Variants in SLC17A7 observed in about 807,000 individuals in gnomAD.
SLC17A7 encodes solute carrier family 17 member 7.
Under a neutral mutation model 59.1 loss-of-function variants are expected in SLC17A7, and 15 were observed. The ratio of observed to expected loss-of-function variants is 0.25; its 90% CI spans 0.17 to 0.39. The LOEUF is 0.39. SLC17A7 is among the 10% of genes least tolerant of loss of function. The probability of loss-of-function intolerance (pLI) is 1.00; values close to 1 mark genes in which losing one functional copy is unlikely to be tolerated. For synonymous variants in SLC17A7, 353 were observed against 308.9 expected, an observed-to-expected ratio of 1.14 and a Z score of -1.50; for missense variants, 499 against 765.1, an observed-to-expected ratio of 0.65 and a Z score of 4.10.
Position 49,433,565 on chromosome 19 carries a change from C to A in SLC17A7, c.867+161G>T. 1.0e-6 allele frequency: 1 copy of A among 973,916 alleles called. No homozygotes were observed. Among genetic ancestry groups the A allele is most frequent in the Non-Finnish European group, 1.6e-6 (1 of 628,828 alleles). 60.3% of individuals were successfully genotyped at this position (973,916 alleles called of 1,614,324 possible). A position where few individuals can be genotyped will look rare whatever the true frequency, so the allele number is the denominator to read the frequency against. On this transcript the variant is annotated intron_variant, in intron 7 of 11. Coordinates refer to ENST00000221485, the MANE Select transcript of SLC17A7 (RefSeq NM_020309.4). The surrounding 1 kb of genome is among the most constrained non-coding windows in gnomAD (Gnocchi z 5.7). Reference sequence around the variant, plus strand: ...TGCCCCCAGCACCTGAGAATCTCGTCCTCCGCGGGTTGCAACCCGCCTCCT... The same window carrying A: ...TGCCCCCAGCACCTGAGAATCTCGTACTCCGCGGGTTGCAACCCGCCTCCT...
intron 2 of SLC17A7, chr19:49,435,499 AAC>A (rs2078976725): frequency 2.0e-6 from 1 of 497,686 alleles, no homozygotes; most frequent in Non-Finnish European, 3.6e-6. Context: ...CTGCCTTAAC[AAC>A]AGAGTCCATC....
intron 1 of SLC17A7, among the ~76,000 whole-genome samples, chr19:49,439,742 T>C (rs1600990581): frequency 6.6e-6 from 1 of 152,300 alleles, no homozygotes; most frequent in Admixed American, 6.5e-5. Flanking sequence ...ACAAACTCCC[T>C]GCTGATGGTC....
At chr19:49,432,407 C>A in intron 9 of SLC17A7, 112 bp downstream of exon 9, 1 of 1,405,124 alleles carries the variant, frequency 7.1e-7, no homozygotes, top group Non-Finnish European at 9.6e-7. Context: ...TAGAAAGGGA[C>A]TCCTGGGGCA....
chr19:49,436,844 C>T lies in SLC17A7; in HGVS notation c.63-43G>A. 6.3e-7 allele frequency: 1 copy of T among 1,587,378 alleles called. No homozygotes were observed. The highest frequency in any genetic ancestry group is 1.1e-5 in the South Asian group (1 of 90,284). On this transcript the variant is annotated intron_variant, in intron 1 of 11. Transcript: ENST00000221485. The surrounding 1 kb of genome is among the most constrained non-coding windows in gnomAD (Gnocchi z 4.1). ...CCAGAGACTCGGAAGTCCAGGCCCC[C>T]AGCCCCCTCACCCCCAAGACCAGGA... is the stretch of plus-strand genomic sequence containing the variant.
At chr19:49,439,911 C>T (rs1376552409) in intron 1 of SLC17A7, among the ~76,000 whole-genome samples, 1 of 128,752 alleles carries the variant, frequency 7.8e-6, no homozygotes, top group Admixed American at 7.1e-5. Flanking sequence ...ACCCCCCAGC[C>T]CCCTCCACCA....
chr19:49,432,532 C>T lies in SLC17A7; in HGVS notation c.1137G>A (p.Leu379=), dbSNP rs1460433736. 4 of 1,613,302 alleles carry T rather than the reference C, an allele frequency of 2.5e-6. No individual in the cohort carries two copies. Among genetic ancestry groups the T allele is most frequent in the Non-Finnish European group, 3.4e-6 (4 of 1,179,754 alleles). ...RIMSTTNVRK[L]MNCGGFGMEA... is the part of the protein sequence containing the mutation. ...CGCCCCACTCACCTCCGCAGTTCAT[C>T]AACTTGCGCACGTTGGTGGTGGACA... Residue 379 remains leucine (L), a synonymous_variant, in exon 9 of 12, where the codon TTG becomes TTA. Transcript: ENST00000221485.
In SLC17A7 at chr19:49,436,859, C is replaced by CAAT; in HGVS notation, c.63-59_63-58insATT. ...TCCAGGCCCCCAGCCCCCTCACCCC[C>CAAT]AAGACCAGGATCCAGGGCAAAACCT... is the stretch of plus-strand genomic sequence containing the variant. On this transcript the variant is annotated intron_variant, in intron 1 of 11. Coordinates refer to ENST00000221485, the MANE Select transcript of SLC17A7 (RefSeq NM_020309.4). This position sits in a 1 kb window ranked among gnomAD's most constrained non-coding sequence, Gnocchi z 4.1. The CAAT allele has an allele frequency of 6.4e-7, 1 of 1,573,378 alleles. No homozygotes were observed. Among genetic ancestry groups the CAAT allele is most frequent in the Non-Finnish European group, 8.6e-7 (1 of 1,166,290 alleles).
chr19:49,434,157 T>A, intron 5 of SLC17A7, 111 bp from the exon 6 acceptor site: 1 of 735,194 alleles, frequency 1.4e-6, no homozygotes, highest in South Asian at 1.6e-5. Context: ...CCACAGCCCC[T>A]CCTCCCTTAG....
Position 49,430,072 on chromosome 19 carries a change from G to T in SLC17A7, c.*447C>A, listed in dbSNP as rs936254377. Reference sequence around the variant, plus strand: ...TCTGGAAGATGCAGAACAGAGTTGGGAGAGATTTGAAACTTCTAGAGGAGG... The same window carrying T: ...TCTGGAAGATGCAGAACAGAGTTGGTAGAGATTTGAAACTTCTAGAGGAGG... On this transcript the variant is annotated 3_prime_UTR_variant, in exon 12 of 12. Transcript: ENST00000221485. 6.8e-5 allele frequency: 11 copies of T among 161,938 alleles called. No individual in the cohort carries two copies. Among genetic ancestry groups the T allele is most frequent in the Middle Eastern group, 3.1e-3 (1 of 324 alleles). The allele number at this position is 161,938 out of a possible 1,614,324, so 10.0% of individuals were successfully genotyped here. A position where few individuals can be genotyped will look rare whatever the true frequency, so the allele number is the denominator to read the frequency against.
At position 49,434,859 on chromosome 19, in the gene SLC17A7, G is replaced by A. The variant is rs927150061; in HGVS notation, c.458C>T (p.Ala153Val). 1 of 1,613,924 alleles carries A rather than the reference G, an allele frequency of 6.2e-7. No homozygotes were observed. Among genetic ancestry groups the A allele is most frequent in the East Asian group, 2.2e-5 (1 of 44,872 alleles). ...ANRVFGFAIVATSTLNMLIPS... is the reference protein window; with the variant it reads ...ANRVFGFAIVVTSTLNMLIPS... ...GATCAGCATGTTTAGAGTGGATGTTGCCACAATAGCAAAGCCGAAAACTCT... is the reference window on the plus strand; with the variant it reads ...GATCAGCATGTTTAGAGTGGATGTTACCACAATAGCAAAGCCGAAAACTCT... The change falls in exon 4 of 12, where the codon GCA becomes GTA. Residue 153 changes from alanine (A) to valine (V), a missense_variant. This residue lies in a region of SLC17A7 where 323 missense variants were observed against 607.2 expected (regional missense o/e 0.53). Transcript: ENST00000221485.
chr19:49,434,722 A>T lies in SLC17A7; in HGVS notation c.550-33T>A, dbSNP rs201894324. 5.7e-5 allele frequency: 92 copies of T among 1,614,126 alleles called. No individual in the cohort carries two copies. In the African/African-American group the frequency reaches 1.1e-3, roughly 20 times the overall value. On this transcript the variant is annotated intron_variant, in intron 4 of 11. Transcript: ENST00000221485. ...GGAGAAAACCAAGGTCACTGAGAAG[A>T]GGCAGGGTCCGAGCGAGGGCAGGGT...
chr19:49,430,565 CTG>C lies in SLC17A7; in HGVS notation c.1635_1636del (p.His545GlnfsTer38). ...TGGGGGCCTGGGGGGCTGAAATGTGCTGTGTGTGGCCCCATAGGAGGGCGGGG... is the reference window on the plus strand; with the variant it reads ...TGGGGGCCTGGGGGGCTGAAATGTGCTGTGTGGCCCCATAGGAGGGCGGGG... On this transcript the variant is annotated frameshift_variant, in exon 12 of 12. Coordinates refer to ENST00000221485, the MANE Select transcript of SLC17A7 (RefSeq NM_020309.4). LOFTEE classifies it high-confidence loss of function. 5.0e-6 allele frequency: 8 copies of C among 1,604,042 alleles called. No individual in the cohort carries two copies. Among genetic ancestry groups the C allele is most frequent in the Non-Finnish European group, 6.0e-6 (7 of 1,174,582 alleles).
chr19:49,434,197 G>A (rs962481897), intron 5 of SLC17A7, 151 bp from the exon 6 acceptor site: 3 of 573,436 alleles, frequency 5.2e-6, no homozygotes, highest in Non-Finnish European at 9.1e-6. Flanking sequence ...GCCCCTCCTC[G>A]CTCGGACCCA....
At position 49,435,242 on chromosome 19, in the gene SLC17A7, G is replaced by A. The variant is rs1341340188; in HGVS notation, c.360C>T (p.His120=). 5.6e-6 allele frequency: 9 copies of A among 1,614,110 alleles called. No homozygotes were observed. Among genetic ancestry groups the A allele is most frequent in the South Asian group, 3.3e-5 (3 of 91,080 alleles). ...CAATGTAGCCCCAGAAAAAGGAGCC[G>A]TGTATGAGGCCGACAGTCTCTGGAT... The part of the protein sequence containing the change: ...SWDPETVGLI[H]GSFFWGYIVT... Residue 120 remains histidine, a synonymous_variant, in exon 3 of 12, where the codon CAC becomes CAT. Transcript: ENST00000221485.
At position 49,436,447 on chromosome 19, in the gene SLC17A7, G is replaced by T; in HGVS notation, c.315+102C>A. 1.4e-6 allele frequency: 2 copies of T among 1,469,340 alleles called. No homozygotes were observed. The highest frequency in any genetic ancestry group is 1.8e-6 in the Non-Finnish European group (2 of 1,084,182). 91.0% of individuals were successfully genotyped at this position (1,469,340 alleles called of 1,614,324 possible). The stretch of plus-strand genomic sequence containing the variant: ...GCTATTCCGACAGCGTTTCGGAAGG[G>T]GCGTGGCCTGGACGTCTGGTGGGTG... On this transcript the variant is annotated intron_variant, in intron 2 of 11. Transcript: ENST00000221485. This position sits in a 1 kb window ranked among gnomAD's most constrained non-coding sequence, Gnocchi z 4.1.
At position 49,433,624 on chromosome 19, in the gene SLC17A7, G is replaced by A. The variant is rs749628861; in HGVS notation, c.867+102C>T. On this transcript the variant is annotated intron_variant, in intron 7 of 11. Coordinates refer to ENST00000221485, the MANE Select transcript of SLC17A7 (RefSeq NM_020309.4). The surrounding 1 kb of genome is among the most constrained non-coding windows in gnomAD (Gnocchi z 5.7). ...GCCCCTCTCTTTGCGTTCCAGTCCCGTCTCCTCTAGAGTCTGCAGGAACCG... is the reference window on the plus strand; with the variant it reads ...GCCCCTCTCTTTGCGTTCCAGTCCCATCTCCTCTAGAGTCTGCAGGAACCG... 6.5e-7 allele frequency: 1 copy of A among 1,530,390 alleles called. No homozygotes were observed. The highest frequency in any genetic ancestry group is 9.0e-7 in the Non-Finnish European group (1 of 1,113,222). The allele number at this position is 1,530,390 out of a possible 1,614,324, so 94.8% of individuals were successfully genotyped here.
At position 49,434,459 on chromosome 19, in the gene SLC17A7, T is replaced by C. The variant is rs983219848; in HGVS notation, c.637+143A>G. 5 of 689,360 alleles carry C rather than the reference T, an allele frequency of 7.3e-6. No homozygotes were observed. The South Asian group carries it at 8.4e-5, about 12-fold the overall frequency. 42.7% of individuals were successfully genotyped at this position (689,360 alleles called of 1,614,324 possible). Reference sequence around the variant, plus strand: ...GCCCCAGCCCCTCTTCCCTCAGACCTGGGAGTCCAGGTCCAGAGTCTCCTC... The same window carrying C: ...GCCCCAGCCCCTCTTCCCTCAGACCCGGGAGTCCAGGTCCAGAGTCTCCTC... On this transcript the variant is annotated intron_variant, in intron 5 of 11. Transcript: ENST00000221485.
At chr19:49,440,309 A>C (rs2078995316) in intron 1 of SLC17A7, among the ~76,000 whole-genome samples, 1 of 152,184 alleles carries the variant, frequency 6.6e-6, no homozygotes, top group South Asian at 2.1e-4. Flanking sequence ...GCACGGCGGC[A>C]GGGGCATGGT....
chr19:49,430,854 G>C (rs756088634), intron 11 of SLC17A7, 42 bp from the exon 12 acceptor site: 1 of 1,573,486 alleles, frequency 6.4e-7, no homozygotes, highest in Non-Finnish European at 8.6e-7. Context: ...GGAGGACAGA[G>C]AAACAGAGGC....
Sources: allele counts gnomAD v4.1 joint callset (sites outside exome capture counted in the v4.1 genomes callset), GRCh38; gene constraint gnomAD v4.1.1; regional missense constraint gnomAD v4.1.1; non-coding constraint Gnocchi (gnomAD v3.1); transcripts MANE v1.5; gene names NCBI Gene and HGNC (gene_info 2026-07-23, HGNC 2026-07-21).